The following CNTNAP5 variants were observed in gnomAD, a reference collection of about 807,000 sequenced individuals.
CNTNAP5 encodes the protein contactin-associated protein-like 5.
A neutral mutation model predicts 150.2 loss-of-function variants in CNTNAP5; 72 were observed. That is an observed-to-expected ratio of 0.48 (90% confidence interval 0.40 to 0.58). The LOEUF (loss-of-function observed/expected upper bound fraction) is 0.58, where lower values mean the gene tolerates loss of function less well. CNTNAP5 is among the 20% of genes least tolerant of loss of function. The probability of loss-of-function intolerance (pLI) is 0.00; values close to 1 mark genes in which losing one functional copy is unlikely to be tolerated. For synonymous variants in CNTNAP5, 672 were observed against 619.8 expected (o/e 1.08, Z -1.25); for missense variants, 1,636 against 1,626.2 (o/e 1.01, Z -0.10).
At position 124,436,687 on chromosome 2, in the gene CNTNAP5, G is replaced by A. The variant is rs73952964; in HGVS notation, c.733+2000G>A. ...ATAAATAGCACCTACTCCTTGCTAT[G>A]TTACATAGATGGCAGGATAAGTCTT... On this transcript the variant is annotated intron_variant, in intron 5 of 23. Coordinates refer to ENST00000682447, the MANE Select transcript of CNTNAP5 (RefSeq NM_001367498.1). 2.6e-3 allele frequency among the ~76,000 whole-genome samples: 401 copies of A among 152,272 alleles called. 4 individuals carry two copies. Among genetic ancestry groups the A allele is most frequent in the African/African-American group, 9.0e-3 (375 of 41,568 alleles).
intron 1 of CNTNAP5, among the ~76,000 whole-genome samples, chr2:124,078,859 T>G (rs1682496523): frequency 1.3e-5 from 2 of 152,130 alleles, no homozygotes; most frequent in African/African-American, 2.4e-5. Flanking sequence ...GCCGAGCAGA[T>G]TCTGAAGGCA....
At chr2:124,309,526 G>A (rs1318084350) in intron 3 of CNTNAP5, among the ~76,000 whole-genome samples, 1 of 152,202 alleles carries the variant, frequency 6.6e-6, no homozygotes, top group Non-Finnish European at 1.5e-5. Context: ...TTCAAAGCCA[G>A]CAGTTACAGT....
At chr2:124,882,763 A>C (rs924264742) in intron 21 of CNTNAP5, among the ~76,000 whole-genome samples, 5 of 152,064 alleles carry the variant, frequency 3.3e-5, no homozygotes, top group African/African-American at 1.2e-4. Context: ...ATAAAGAAAA[A>C]GAGGTTTAGA....
intron 1 of CNTNAP5, among the ~76,000 whole-genome samples, chr2:124,127,490 T>G (rs530975145): frequency 6.6e-6 from 1 of 152,074 alleles, no homozygotes. Context: ...CTGCCCAAGG[T>G]AATTTATAGA....
In CNTNAP5 at chr2:124,161,436, C is replaced by T. The variant is rs144663640; in HGVS notation, c.83-60269C>T. ...AAACAGAGAGAAGAGAAGTTGGTAG[C>T]CTTGCATGGCCCATGCAAACCCAAG... On this transcript the variant is annotated intron_variant, in intron 1 of 23. Transcript: ENST00000682447. Among the ~76,000 whole-genome samples the T allele has an allele frequency of 3.1e-4, 47 of 152,232 alleles. No individual in the cohort carries two copies. In the East Asian group the frequency reaches 8.9e-3, roughly 29 times the overall value.
At chr2:124,677,145 G>A (rs1038232091) in intron 13 of CNTNAP5, among the ~76,000 whole-genome samples, 8 of 152,182 alleles carry the variant, frequency 5.3e-5, no homozygotes, top group Non-Finnish European at 1.0e-4. Context: ...GATGTGTCCA[G>A]AGTTTCTTCC....
At chr2:124,817,648 G>T (rs866504150) in intron 19 of CNTNAP5, among the ~76,000 whole-genome samples, 2 of 152,158 alleles carry the variant, frequency 1.3e-5, no homozygotes, top group Non-Finnish European at 2.9e-5. Context: ...AGTTCTTACT[G>T]GAGGATAAAA....
intron 19 of CNTNAP5, among the ~76,000 whole-genome samples, chr2:124,832,211 A>G (rs1682730610): frequency 6.6e-6 from 1 of 152,092 alleles, no homozygotes; most frequent in East Asian, 1.9e-4. Flanking sequence ...TATTTTATCC[A>G]TAATTTTTAA....
intron 3 of CNTNAP5, among the ~76,000 whole-genome samples, chr2:124,295,554 C>G (rs564761626): frequency 6.6e-6 from 1 of 152,250 alleles, no homozygotes; most frequent in East Asian, 1.9e-4. Context: ...CTTCTTCTGT[C>G]TGTGTATTTA....
At chr2:124,866,417 C>A (rs1156826481) in intron 20 of CNTNAP5, among the ~76,000 whole-genome samples, 1 of 152,072 alleles carries the variant, frequency 6.6e-6, no homozygotes, top group Non-Finnish European at 1.5e-5. Context: ...GACGCATGGG[C>A]AAAGAGGAAA....
intron 22 of CNTNAP5, 62 bp from the exon 23 acceptor site, chr2:124,911,405 T>C (rs773597119): frequency 1.6e-6 from 2 of 1,278,688 alleles, no homozygotes; most frequent in Non-Finnish European, 2.2e-6. Context: ...TGGGCCACAC[T>C]GTAGGCTTCT....
chr2:124,311,889 G>A (rs2104658209), intron 3 of CNTNAP5, among the ~76,000 whole-genome samples: 1 of 152,240 alleles, frequency 6.6e-6, no homozygotes, highest in Non-Finnish European at 1.5e-5. Flanking sequence ...TAGAGCAATA[G>A]CATATTACAG....
At chr2:124,132,342 T>C (rs1683871561) in intron 1 of CNTNAP5, among the ~76,000 whole-genome samples, 1 of 152,204 alleles carries the variant, frequency 6.6e-6, no homozygotes, top group South Asian at 2.1e-4. Flanking sequence ...GTCTGTATTA[T>C]TGTAGTTTGA....
intron 14 of CNTNAP5, among the ~76,000 whole-genome samples, chr2:124,759,348 T>TTA (rs201675788): frequency 1.0e-4 from 15 of 146,890 alleles, no homozygotes; most frequent in African/African-American, 1.2e-4. Context: ...TATATATACA[T>TTA]TATATATATA....
intron 21 of CNTNAP5, among the ~76,000 whole-genome samples, chr2:124,892,845 T>C (rs978958045): frequency 2.0e-5 from 3 of 152,160 alleles, no homozygotes; most frequent in Non-Finnish European, 4.4e-5. Context: ...ATATGTTTTT[T>C]CTTTGCATGA....
chr2:124,063,603 T>C (rs17010814), intron 1 of CNTNAP5, among the ~76,000 whole-genome samples: 15,534 of 152,188 alleles, frequency 0.1, 907 homozygotes, highest in East Asian at 0.3. Context: ...ACGCAACACG[T>C]ATTTCTTACA....
intron 3 of CNTNAP5, among the ~76,000 whole-genome samples, chr2:124,287,180 G>A (rs528662270): frequency 5.8e-4 from 88 of 152,250 alleles, no homozygotes; most frequent in Middle Eastern, 3.4e-3. Flanking sequence ...CAGGCACTGC[G>A]GTAAACATTT....
chr2:124,030,811 T>G, intron 1 of CNTNAP5, among the ~76,000 whole-genome samples: 1 of 152,162 alleles, frequency 6.6e-6, no homozygotes, highest in Admixed American at 6.5e-5. Flanking sequence ...TGATGAGGAC[T>G]TGTGAATCCC....
intron 12 of CNTNAP5, among the ~76,000 whole-genome samples, chr2:124,628,771 C>T (rs375835624): frequency 2.6e-5 from 4 of 152,226 alleles, no homozygotes; most frequent in African/African-American, 9.6e-5. Context: ...AGAATGGAAA[C>T]CTGGGTACTA....
Sources: gnomAD v4.1 joint callset for allele counts (sites outside exome capture counted in the v4.1 genomes callset) on GRCh38, gnomAD v4.1.1 for gene constraint, MANE v1.5 for transcripts, NCBI Gene and HGNC (gene_info 2026-07-23, HGNC 2026-07-21) for gene names.